KCNMB2: variants seen among roughly 807,000 people sequenced by gnomAD.
KCNMB2 encodes calcium-activated potassium channel subunit beta-2.
KCNMB2 carries 9 observed loss-of-function variants against 24.5 expected under a neutral mutation model. That is an observed-to-expected ratio of 0.37 (90% confidence interval 0.22 to 0.64). KCNMB2 has a LOEUF of 0.64. Among genes scored for constraint, KCNMB2 ranks in the 30% least tolerant of loss-of-function variants. The pLI is 0.63. For missense variants in KCNMB2, 226 were observed against 284.3 expected, an observed-to-expected ratio of 0.79 and a Z score of 1.47; for synonymous variants, 109 against 104.4, an observed-to-expected ratio of 1.04 and a Z score of -0.27.
intron 1 of KCNMB2, among the ~76,000 whole-genome samples, chr3:178,756,336 G>A (rs1256246127): frequency 6.6e-6 from 1 of 151,790 alleles, no homozygotes; most frequent in Non-Finnish European, 1.5e-5. Flanking sequence ...TTTATGTTAT[G>A]TAAAGTTGAA....
chr3:178,750,188 A>G (rs569159190), intron 1 of KCNMB2, among the ~76,000 whole-genome samples: 1 of 151,434 alleles, frequency 6.6e-6, no homozygotes, highest in South Asian at 2.1e-4. Context: ...CCAGTAAGAT[A>G]CCATGATCTT....
intron 1 of KCNMB2, among the ~76,000 whole-genome samples, chr3:178,629,970 C>T (rs1719256923): frequency 6.6e-6 from 1 of 152,148 alleles, no homozygotes; most frequent in East Asian, 1.9e-4. Flanking sequence ...TAATGTACTG[C>T]CAATGTTACC....
chr3:178,622,009 T>G (rs992879251), intron 1 of KCNMB2, among the ~76,000 whole-genome samples: 2 of 152,230 alleles, frequency 1.3e-5, no homozygotes, highest in African/African-American at 4.8e-5. Context: ...GTTTAAGCTC[T>G]CTGGGGCTAA....
chr3:178,568,813 AGAT>A lies in KCNMB2; in HGVS notation c.-68+32103_-68+32105del, dbSNP rs1265182361. 7.0e-3 allele frequency among the ~76,000 whole-genome samples: 361 copies of A among 51,702 alleles called. 12 individuals carry two copies. Among genetic ancestry groups the A allele is most frequent in the African/African-American group, 0.029 (301 of 10,362 alleles). 33.9% of individuals were successfully genotyped at this position (51,702 alleles called of 152,430 possible). ...TAGATAGATAGATAGATAGATAGAT[AGAT>A]AATAGATAGATAGATGATAGATAGA... On this transcript the variant is annotated intron_variant, in intron 1 of 4. Transcript: ENST00000452583.
At chr3:178,758,561 GATAT>G (rs754815380) in intron 1 of KCNMB2, among the ~76,000 whole-genome samples, 7 of 16,976 alleles carry the variant, frequency 4.1e-4, no homozygotes, top group African/African-American at 2.3e-3. Flanking sequence ...TCCAAGAGGA[GATAT>G]ATATATATAT....
intron 1 of KCNMB2, among the ~76,000 whole-genome samples, chr3:178,736,048 C>A (rs1293937487): frequency 1.3e-5 from 2 of 152,136 alleles, no homozygotes; most frequent in African/African-American, 4.8e-5. Flanking sequence ...TCATAACATA[C>A]CTGACGCTCA....
At chr3:178,638,628 TTAAA>T (rs1288788630) in intron 1 of KCNMB2, among the ~76,000 whole-genome samples, 1 of 152,236 alleles carries the variant, frequency 6.6e-6, no homozygotes, top group African/African-American at 2.4e-5. Context: ...GAATGTAAGC[TTAAA>T]TAACTAATGT....
intron 1 of KCNMB2, among the ~76,000 whole-genome samples, chr3:178,565,031 TC>T (rs1456779146): frequency 6.6e-6 from 1 of 152,190 alleles, no homozygotes; most frequent in African/African-American, 2.4e-5. Flanking sequence ...TAGTAATATT[TC>T]TTAGTATAAA....
chr3:178,537,430 T>C (rs1715447055), intron 1 of KCNMB2: 1 of 152,252 alleles, frequency 6.6e-6, no homozygotes, highest in Admixed American at 6.5e-5. Flanking sequence ...TTAGAGGTTA[T>C]GGACTTGACA....
rs184620070 is a variant in KCNMB2, at chr3:178,819,399, C to T, written c.57-6189C>T. On this transcript the variant is annotated intron_variant, in intron 2 of 4. Coordinates refer to ENST00000452583, the MANE Select transcript of KCNMB2 (RefSeq NM_181361.3). ...TAGGGCCTTCAGACTCACTCCACTCCGTCTCACTCTCTGCAGCCATTGTCT... is the reference window on the plus strand; with the variant it reads ...TAGGGCCTTCAGACTCACTCCACTCTGTCTCACTCTCTGCAGCCATTGTCT... Among the ~76,000 whole-genome samples the T allele has an allele frequency of 2.0e-3, 301 of 152,164 alleles. 4 individuals are homozygous for T. The highest frequency in any genetic ancestry group is 6.7e-3 in the African/African-American group (277 of 41,518).
chr3:178,777,427 C>A (rs148047110), intron 1 of KCNMB2, among the ~76,000 whole-genome samples: 7 of 152,214 alleles, frequency 4.6e-5, no homozygotes, highest in African/African-American at 1.2e-4. Flanking sequence ...GTGCAAGACT[C>A]CGTCTCAAAA....
rs529555299 is a variant in KCNMB2, at chr3:178,613,958, T to C, written c.-68+77247T>C. Among the ~76,000 whole-genome samples, 8 of 151,966 alleles carry C rather than the reference T, an allele frequency of 5.3e-5. No homozygotes were observed. The East Asian group carries it at 1.4e-3, about 26-fold the overall frequency. On this transcript the variant is annotated intron_variant, in intron 1 of 4. Transcript: ENST00000452583. ...ACTCTTAGATTTGCCCTTTTGAGGCTATTTTCTTGATCCTGTAGGTGTGCT... is the reference window on the plus strand; with the variant it reads ...ACTCTTAGATTTGCCCTTTTGAGGCCATTTTCTTGATCCTGTAGGTGTGCT...
chr3:178,548,601 C>T (rs769968833), intron 1 of KCNMB2, among the ~76,000 whole-genome samples: 32 of 152,220 alleles, frequency 2.1e-4, no homozygotes, highest in Non-Finnish European at 3.8e-4. Flanking sequence ...GGTCTCTTTC[C>T]CCTCTCATTT....
At chr3:178,693,874 T>C (rs1039772329) in intron 1 of KCNMB2, among the ~76,000 whole-genome samples, 1 of 134,048 alleles carries the variant, frequency 7.5e-6, no homozygotes, top group Non-Finnish European at 1.6e-5. Context: ...CATCTGGTCC[T>C]GGGCTTTTTT....
intron 1 of KCNMB2, among the ~76,000 whole-genome samples, chr3:178,585,863 G>GA (rs1217778350): frequency 3.3e-5 from 5 of 152,194 alleles, no homozygotes; most frequent in African/African-American, 1.2e-4. Context: ...TCATTTATAT[G>GA]ATAATGTGAG....
rs79562558 is a variant in KCNMB2 at position 178,711,462 on chromosome 3, G to A, written c.-67-95881G>A. Reference sequence around the variant, plus strand: ...CTCCAGACAATCATTGTGGCCTTGCGCTGTCTCTCCCACCAAGACAGATTT... The same window carrying A: ...CTCCAGACAATCATTGTGGCCTTGCACTGTCTCTCCCACCAAGACAGATTT... On this transcript the variant is annotated intron_variant, in intron 1 of 4. Transcript: ENST00000452583. Among the ~76,000 whole-genome samples the A allele has an allele frequency of 3.9e-3, 596 of 152,042 alleles. 3 individuals carry two copies. The highest frequency in any genetic ancestry group is 0.014 in the African/African-American group (580 of 41,488).
chr3:178,623,145 G>A (rs1477714141), intron 1 of KCNMB2, among the ~76,000 whole-genome samples: 3 of 152,180 alleles, frequency 2.0e-5, no homozygotes, highest in Non-Finnish European at 4.4e-5. Context: ...CCTGCACAGT[G>A]TTATTTAGTG....
At chr3:178,784,886 A>AC (rs1025923093) in intron 1 of KCNMB2, among the ~76,000 whole-genome samples, 1 of 151,172 alleles carries the variant, frequency 6.6e-6, no homozygotes, top group African/African-American at 2.4e-5. Context: ...AAAAAAAAAA[A>AC]AAAAAAAAAA....
At chr3:178,731,954 C>T (rs1723166371) in intron 1 of KCNMB2, among the ~76,000 whole-genome samples, 1 of 152,060 alleles carries the variant, frequency 6.6e-6, no homozygotes, top group South Asian at 2.1e-4. Context: ...TACGAATATA[C>T]AGGAAGTACA....
Sources: allele counts gnomAD v4.1 joint callset (sites outside exome capture counted in the v4.1 genomes callset), GRCh38; gene constraint gnomAD v4.1.1; transcripts MANE v1.5; gene names NCBI Gene and HGNC (gene_info 2026-07-23, HGNC 2026-07-21).